ZNF469: variants seen among roughly 807,000 people sequenced by gnomAD.
ZNF469 encodes zinc finger protein 469.
ZNF469 carries 1 observed loss-of-function variant against 1.0 expected under a neutral mutation model. The observed-to-expected ratio is 1.00, with a 90% confidence interval of 0.35 to 4.73. ZNF469 has a LOEUF of 4.73. Ranked by LOEUF, ZNF469 falls within the 30% of genes most tolerant of loss-of-function variation. ZNF469 has a pLI of 0.16. For synonymous variants in ZNF469, 2,703 were observed against 2,363.4 expected (o/e 1.14, Z -4.17); for missense variants, 6,100 against 5,356.3 (o/e 1.14, Z -4.33).
the ZNF469 span, among the ~76,000 whole-genome samples, chr16:88,287,595 T>C: frequency 6.6e-6 from 1 of 152,222 alleles, no homozygotes; most frequent in Non-Finnish European, 1.5e-5. Context: ...ATCACAATTA[T>C]AAATACACAT....
chr16:88,331,439 AC>A, the ZNF469 span, among the ~76,000 whole-genome samples: 2 of 151,250 alleles, frequency 1.3e-5, no homozygotes, highest in Non-Finnish European at 2.9e-5. Context: ...CACCATCATA[AC>A]CATCATAATC....
the ZNF469 span, among the ~76,000 whole-genome samples, chr16:88,340,949 G>A: frequency 6.6e-6 from 1 of 152,120 alleles, no homozygotes; most frequent in African/African-American, 2.4e-5. Context: ...GGGTAGCAAG[G>A]ACCCTGCAGA....
At chr16:88,267,870 C>T in the ZNF469 span, among the ~76,000 whole-genome samples, 1 of 152,174 alleles carries the variant, frequency 6.6e-6, no homozygotes, top group African/African-American at 2.4e-5. Context: ...GGTGGCACTG[C>T]CGGGTCCTGA....
the ZNF469 span, among the ~76,000 whole-genome samples, chr16:88,102,356 A>T: frequency 0.023 from 3,458 of 152,082 alleles, 40 homozygotes; most frequent in Non-Finnish European, 0.035. Flanking sequence ...CATCTCTACT[A>T]AAAAAATACA....
the ZNF469 span, among the ~76,000 whole-genome samples, chr16:88,347,690 A>G: frequency 6.6e-6 from 1 of 152,166 alleles, no homozygotes; most frequent in Non-Finnish European, 1.5e-5. Flanking sequence ...TCCTCCAATC[A>G]CAGTGAAGAA....
the ZNF469 span, among the ~76,000 whole-genome samples, chr16:88,314,249 T>A: frequency 7.6e-6 from 1 of 131,680 alleles, no homozygotes. Context: ...TGGTGTAGAA[T>A]ATCTCTGTGA....
the ZNF469 span, among the ~76,000 whole-genome samples, chr16:88,331,556 G>T: frequency 2.1e-5 from 2 of 97,270 alleles, no homozygotes; most frequent in Non-Finnish European, 4.3e-5. Flanking sequence ...CACCACCATC[G>T]TCATCACCAT....
the ZNF469 span, among the ~76,000 whole-genome samples, chr16:88,236,727 C>T: frequency 6.6e-5 from 10 of 151,774 alleles, no homozygotes; most frequent in Admixed American, 2.6e-4. Flanking sequence ...ATTAGCCGGG[C>T]GTGGTGGGGG....
intron 1 of ZNF469, among the ~76,000 whole-genome samples, chr16:88,398,323 CCACGTGAGCCACGGGTGAAGGGA>C (rs1158343076): frequency 4.0e-5 from 6 of 151,596 alleles, no homozygotes; most frequent in Admixed American, 2.0e-4. Flanking sequence ...AGATGAAGGG[CCACGTGAGCCACGGGTGAAGGGA>C]CACGTGAGCC....
At chr16:88,388,262 G>C (rs1157045846) in intron 1 of ZNF469, among the ~76,000 whole-genome samples, 8 of 152,354 alleles carry the variant, frequency 5.3e-5, no homozygotes, top group Admixed American at 2.6e-4. Context: ...GCCAGAGCCA[G>C]AGGCAGGATG....
chr16:88,306,633 G>A, the ZNF469 span, among the ~76,000 whole-genome samples: 36 of 152,288 alleles, frequency 2.4e-4, no homozygotes, highest in South Asian at 6.2e-4. Context: ...ATGACTGCCC[G>A]GCATTGCTTG....
chr16:88,183,413 A>G, the ZNF469 span, among the ~76,000 whole-genome samples: 1 of 152,228 alleles, frequency 6.6e-6, no homozygotes, highest in Non-Finnish European at 1.5e-5. Context: ...CCCGTGAGCA[A>G]CTGTGTACCT....
the ZNF469 span, among the ~76,000 whole-genome samples, chr16:88,258,747 C>G: frequency 0.33 from 50,874 of 151,964 alleles, 8,930 homozygotes; most frequent in Middle Eastern, 0.46. Context: ...TGCAGCAATG[C>G]AGAAAACGCA....
rs757120684 is a variant in ZNF469 at position 88,430,820 on chromosome 16, G to C, written c.3350G>C (p.Arg1117Pro). 1 of 1,532,988 alleles carries C rather than the reference G, an allele frequency of 6.5e-7. No individual in the cohort carries two copies. The highest frequency in any genetic ancestry group is 8.7e-7 in the Non-Finnish European group (1 of 1,145,260). 95.0% of individuals were successfully genotyped at this position (1,532,988 alleles called of 1,614,324 possible). ...RGPGFRGRRGRGEKRKEVELT... is the reference protein window; with the variant it reads ...RGPGFRGRRGPGEKRKEVELT... ...CCCGGCTTCAGAGGCCGGCGGGGCC[G>C]AGGCGAGAAGAGGAAGGAAGTGGAG... The change falls in exon 3 of 3, where the codon CGA becomes CCA. Residue 1117 changes from arginine (R) to proline (P), a missense_variant. Coordinates refer to ENST00000565624, the MANE Select transcript of ZNF469 (RefSeq NM_001367624.2).
intron 1 of ZNF469, among the ~76,000 whole-genome samples, chr16:88,384,171 G>A (rs546091952): frequency 6.6e-6 from 1 of 152,360 alleles, no homozygotes; most frequent in South Asian, 2.1e-4. Context: ...CCTGAGATCC[G>A]TGTTAACCCA....
chr16:88,223,081 G>A, the ZNF469 span, among the ~76,000 whole-genome samples: 1 of 152,356 alleles, frequency 6.6e-6, no homozygotes, highest in South Asian at 2.1e-4. Flanking sequence ...TGAGAGGGAA[G>A]AACTGGAAAC....
At chr16:88,206,080 C>T in the ZNF469 span, among the ~76,000 whole-genome samples, 1 of 152,192 alleles carries the variant, frequency 6.6e-6, no homozygotes, top group Non-Finnish European at 1.5e-5. Context: ...GAGGGGGGAG[C>T]TGTGCTGACC....
At chr16:88,320,647 G>C in the ZNF469 span, among the ~76,000 whole-genome samples, 4 of 152,304 alleles carry the variant, frequency 2.6e-5, no homozygotes, top group South Asian at 2.1e-4. Flanking sequence ...GCCTCACAAA[G>C]TGCTGGGATT....
chr16:88,285,490 C>T, the ZNF469 span, among the ~76,000 whole-genome samples: 2 of 152,246 alleles, frequency 1.3e-5, no homozygotes, highest in African/African-American at 4.8e-5. Context: ...CCACAGCCAG[C>T]GTGGGCAGGG....
Sources: gnomAD v4.1 joint callset for allele counts (sites outside exome capture counted in the v4.1 genomes callset) on GRCh38, gnomAD v4.1.1 for gene constraint, MANE v1.5 for transcripts, NCBI Gene and HGNC (gene_info 2026-07-23, HGNC 2026-07-21) for gene names.